Variants in ADSL observed in about 807,000 individuals in gnomAD.
The protein encoded by ADSL is adenylosuccinase.
ADSL carries 44 observed loss-of-function variants against 62.1 expected under a neutral mutation model. The observed-to-expected ratio is 0.71, with a 90% CI of 0.56 to 0.91. ADSL has a LOEUF of 0.91. Ranked by LOEUF, ADSL falls within the 40% of genes least tolerant of loss-of-function variation. The pLI is 0.00. For missense variants in ADSL, 531 were observed against 627.4 expected, an observed-to-expected ratio of 0.85 and a Z score of 1.64; for synonymous variants, 198 against 220.5, an observed-to-expected ratio of 0.90 and a Z score of 0.90.
chr22:40,384,649 G>T (rs2003667), intron 2 of ADSL, among the ~76,000 whole-genome samples: 1 of 151,696 alleles, frequency 6.6e-6, no homozygotes, highest in East Asian at 2.0e-4. Flanking sequence ...GCATGGTGGC[G>T]GGCGCCTGTA....
At chr22:40,375,290 G>A (rs2046359136) in intron 2 of ADSL, among the ~76,000 whole-genome samples, 1 of 152,122 alleles carries the variant, frequency 6.6e-6, no homozygotes, top group Non-Finnish European at 1.5e-5. Flanking sequence ...TCAGAAATTA[G>A]ATTGATAGGC....
At position 40,360,458 on chromosome 22, in the gene ADSL, C is replaced by A. The variant is rs777822535; in HGVS notation, c.758C>A (p.Ser253Tyr). ...YTRKVDIEVL[S>Y]VLASLGASVH... ...CGAAAAGTGGATATTGAAGTACTGT[C>A]TGTGCTGGCTAGCTTGGGGGCATCA... is the stretch of plus-strand genomic sequence containing the variant. The change falls in exon 7 of 13, where the codon TCT (serine) becomes TAT (tyrosine). Residue 253 changes from serine to tyrosine, a missense_variant. This residue lies in a region of ADSL where 471 missense variants were observed against 592.9 expected (regional missense o/e 0.79). Coordinates refer to ENST00000623063, the MANE Select transcript of ADSL (RefSeq NM_000026.4). 6.2e-7 allele frequency: 1 copy of A among 1,614,092 alleles called. No individual in the cohort carries two copies. The highest frequency in any genetic ancestry group is 8.5e-7 in the Non-Finnish European group (1 of 1,179,984).
At chr22:40,354,097 C>G (rs1253739469) in intron 3 of ADSL, 151 bp from the exon 4 acceptor site, 1 of 787,404 alleles carries the variant, frequency 1.3e-6, no homozygotes, top group Non-Finnish European at 2.2e-6. Context: ...CTTCCAGGCA[C>G]TTTAGGGTAC....
At chr22:40,365,291 T>TA (rs1171045275) in intron 12 of ADSL, among the ~76,000 whole-genome samples, 1 of 152,176 alleles carries the variant, frequency 6.6e-6, no homozygotes, top group Non-Finnish European at 1.5e-5. Context: ...GTGCTGGGAT[T>TA]ATAGGCATGA....
rs1341872544 is a variant in ADSL, at chr22:40,354,328, G to C, written c.482+1G>C. The C allele has an allele frequency of 6.2e-7, 1 of 1,612,922 alleles. No individual in the cohort carries two copies. The highest frequency in any genetic ancestry group is 8.5e-7 in the Non-Finnish European group (1 of 1,178,972). Reference sequence around the variant, plus strand: ...CCACATTAGGTTTCACACATTTCCAGTAAGTGATAAGATTACTTCTTGTTT... The same window carrying C: ...CCACATTAGGTTTCACACATTTCCACTAAGTGATAAGATTACTTCTTGTTT... On this transcript the variant is annotated splice_donor_variant, in intron 4 of 12. Coordinates refer to ENST00000623063, the MANE Select transcript of ADSL (RefSeq NM_000026.4). LOFTEE classifies it high-confidence loss of function.
rs1039657432 is a variant in ADSL at position 40,364,445 on chromosome 22, G to A, written c.1191+80G>A. ...CTCTTCTCCGTGAAGGAGAGCAGAT[G>A]AAGGTGTTTATGTCATTACCTTCAG... On this transcript the variant is annotated intron_variant, in intron 11 of 12. Coordinates refer to ENST00000623063, the MANE Select transcript of ADSL (RefSeq NM_000026.4). 4.0e-6 allele frequency: 5 copies of A among 1,248,290 alleles called. No individual in the cohort carries two copies. The African/African-American group carries it at 5.9e-5, about 15-fold the overall frequency. The allele number at this position is 1,248,290 out of a possible 1,614,324, so 77.3% of individuals were successfully genotyped here. A position where few individuals can be genotyped will look rare whatever the true frequency, so the allele number is the denominator to read the frequency against.
chr22:40,372,213 G>C (rs1372690893), downstream of ADSL, among the ~76,000 whole-genome samples: 1 of 134,200 alleles, frequency 7.5e-6, no homozygotes, highest in East Asian at 2.3e-4. Flanking sequence ...TGCAAGCTCT[G>C]CCTCCCGGGT....
chr22:40,356,361 T>G (rs1375721722), intron 4 of ADSL, among the ~76,000 whole-genome samples: 1 of 151,202 alleles, frequency 6.6e-6, no homozygotes, highest in African/African-American at 2.4e-5. Context: ...ATGGTGAAAC[T>G]CCATGTGTGC....
chr22:40,366,588 T>G lies in ADSL; in HGVS notation c.*66T>G. On this transcript the variant is annotated 3_prime_UTR_variant, in exon 13 of 13. Coordinates refer to ENST00000623063, the MANE Select transcript of ADSL (RefSeq NM_000026.4). ...AGGCATGAAAATTGTGTTACTATAA[T>G]GCCTTATTTTACCTCGAGAATTGTT... The G allele has an allele frequency of 8.5e-7, 1 of 1,179,302 alleles. No homozygotes were observed. The highest frequency in any genetic ancestry group is 1.3e-6 in the Non-Finnish European group (1 of 787,540). The allele number at this position is 1,179,302 out of a possible 1,614,324, so 73.1% of individuals were successfully genotyped here.
intron 3 of ADSL, chr22:40,353,750 C>G (rs945383899): frequency 7.6e-6 from 2 of 263,622 alleles, no homozygotes; most frequent in South Asian, 4.3e-5. Context: ...CTCAGCCTCC[C>G]GAACAGCTGG....
At position 40,361,636 on chromosome 22, in the gene ADSL, G is replaced by C. The variant is rs1404801471; in HGVS notation, c.1010+1G>C. The C allele has an allele frequency of 6.2e-7, 1 of 1,612,954 alleles. No individual in the cohort carries two copies. Among genetic ancestry groups the C allele is most frequent in the Admixed American group, 1.7e-5 (1 of 60,024 alleles). ...GCACACTGGATGATAGTGCCAACCGGTCAGTGGCACAGGGACATCACATAC... is the reference window on the plus strand; with the variant it reads ...GCACACTGGATGATAGTGCCAACCGCTCAGTGGCACAGGGACATCACATAC... On this transcript the variant is annotated splice_donor_variant, in intron 9 of 12. Coordinates refer to ENST00000623063, the MANE Select transcript of ADSL (RefSeq NM_000026.4). LOFTEE classifies it high-confidence loss of function.
intron 11 of ADSL, 65 bp from the exon 12 acceptor site, chr22:40,364,815 G>A: frequency 6.5e-7 from 1 of 1,542,660 alleles, no homozygotes; most frequent in Non-Finnish European, 9.0e-7. Flanking sequence ...AGTATCTGAT[G>A]ACTTTTTAAA....
chr22:40,368,037 A>C lies in ADSL; in HGVS notation c.*1515A>C, dbSNP rs1187949259. 2 of 152,350 alleles carry C rather than the reference A, an allele frequency of 1.3e-5. No homozygotes were observed. Among genetic ancestry groups the C allele is most frequent in the Admixed American group, 6.5e-5 (1 of 15,300 alleles). The allele number at this position is 152,350 out of a possible 1,614,324, so 9.4% of individuals were successfully genotyped here. ...ATACCCAGTCTGAGGAATAGAGATG[A>C]ACTGGAGAGCCAACCTCCAAAAAGA... On this transcript the variant is annotated 3_prime_UTR_variant, in exon 13 of 13. Coordinates refer to ENST00000623063, the MANE Select transcript of ADSL (RefSeq NM_000026.4).
At chr22:40,364,199 T>C in intron 10 of ADSL, 77 bp from the exon 11 acceptor site, 2 of 1,156,594 alleles carry the variant, frequency 1.7e-6, no homozygotes, top group East Asian at 4.8e-5. Context: ...CTGTGCATTT[T>C]GTTTGACATC....
rs1385675650 is a variant in ADSL, at chr22:40,358,883, G to A, written c.502G>A (p.Val168Ile). 2 of 1,614,206 alleles carry A rather than the reference G, an allele frequency of 1.2e-6. No homozygotes were observed. The highest frequency in any genetic ancestry group is 2.2e-5 in the South Asian group (2 of 91,080). Residue 168 changes from valine (V) to isoleucine (I), a missense_variant, in exon 5 of 13, where the codon GTT becomes ATT. By Grantham distance (29) the Val-to-Ile change is conservative (BLOSUM62 3). Transcript: ENST00000623063. ...THFQPAQLTT[V>I]GKRCCLWIQD... ...TTTCAGGCCTGCACAGCTGACCACAGTTGGGAAACGTTGCTGTCTTTGGAT... is the reference window on the plus strand; with the variant it reads ...TTTCAGGCCTGCACAGCTGACCACAATTGGGAAACGTTGCTGTCTTTGGAT...
chr22:40,349,789 T>G (rs772257987), intron 1 of ADSL, 43 bp from the exon 2 acceptor site: 1 of 1,547,416 alleles, frequency 6.5e-7, no homozygotes, highest in South Asian at 1.1e-5. Flanking sequence ...TTCAAATAAC[T>G]GTGACACTGA....
downstream of ADSL, chr22:40,369,444 A>G (rs1402356743): frequency 2.0e-5 from 3 of 147,866 alleles, no homozygotes; most frequent in African/African-American, 7.4e-5. Context: ...ATATACATTC[A>G]TATATATTAT....
At chr22:40,365,516 G>C (rs1002750307) in intron 12 of ADSL, among the ~76,000 whole-genome samples, 1 of 152,182 alleles carries the variant, frequency 6.6e-6, no homozygotes, top group Non-Finnish European at 1.5e-5. Context: ...TGAAATGCCT[G>C]AGTATATACT....
chr22:40,348,412 C>T, intron 1 of ADSL: 1 of 398,296 alleles, frequency 2.5e-6, no homozygotes, highest in Admixed American at 4.4e-5. Flanking sequence ...GAGACTGGGT[C>T]TGGCTCTGTC....
Sources: allele counts gnomAD v4.1 joint callset (sites outside exome capture counted in the v4.1 genomes callset), GRCh38; gene constraint gnomAD v4.1.1; regional missense constraint gnomAD v4.1.1; transcripts MANE v1.5; gene names NCBI Gene and HGNC (gene_info 2026-07-23, HGNC 2026-07-21).